The following RELN variants were observed in gnomAD, a reference collection of about 807,000 sequenced individuals.
RELN encodes reelin.
Under a neutral mutation model 427.6 loss-of-function variants are expected in RELN, and 108 were observed. The observed-to-expected ratio is 0.25, with a 90% CI of 0.22 to 0.30. The LOEUF (loss-of-function observed/expected upper bound fraction) is 0.30. Among genes scored for constraint, RELN ranks in the 10% least tolerant of loss-of-function variants. The pLI, the probability that RELN is intolerant of heterozygous loss-of-function variation, is 1.00. For missense variants in RELN, 3,715 were observed against 4,302.8 expected, an observed-to-expected ratio of 0.86 and a Z score of 3.82; for synonymous variants, 1,524 against 1,513.4, an observed-to-expected ratio of 1.01 and a Z score of -0.16.
chr7:103,602,882 TG>T (rs986015517), intron 24 of RELN, among the ~76,000 whole-genome samples: 1 of 152,130 alleles, frequency 6.6e-6, no homozygotes, highest in African/African-American at 2.4e-5. Flanking sequence ...ACAGGCAATC[TG>T]GCTCCAGAGT....
At chr7:103,484,611 C>T (rs900022880) in intron 61 of RELN, 3 of 152,382 alleles carry the variant, frequency 2.0e-5, no homozygotes, top group South Asian at 2.1e-4. Context: ...CTATATTATA[C>T]ATGTGAAAAC....
intron 1 of RELN, among the ~76,000 whole-genome samples, chr7:103,965,880 C>G (rs1192763958): frequency 6.6e-6 from 1 of 152,018 alleles, no homozygotes; most frequent in Non-Finnish European, 1.5e-5. Context: ...TTTATTGAAA[C>G]CAATATGCTC....
At chr7:103,884,673 T>A (rs1794683656) in intron 2 of RELN, among the ~76,000 whole-genome samples, 1 of 151,888 alleles carries the variant, frequency 6.6e-6, no homozygotes, top group South Asian at 2.1e-4. Context: ...CCAACAAAAA[T>A]ATGAAAAAAA....
intron 2 of RELN, among the ~76,000 whole-genome samples, chr7:103,910,488 A>T (rs1795340178): frequency 6.6e-6 from 1 of 151,976 alleles, no homozygotes; most frequent in South Asian, 2.1e-4. Context: ...TCTTCACAGA[A>T]TTGGAAAAAA....
chr7:103,720,278 A>T (rs1363332484), intron 8 of RELN, among the ~76,000 whole-genome samples: 1 of 151,938 alleles, frequency 6.6e-6, no homozygotes, highest in Non-Finnish European at 1.5e-5. Context: ...TTAGTAATTC[A>T]AGCAATTTTT....
intron 11 of RELN, among the ~76,000 whole-genome samples, chr7:103,662,621 G>A (rs112276058): frequency 0.029 from 3,156 of 107,378 alleles, 149 homozygotes; most frequent in African/African-American, 0.1. Context: ...GCGAGACTCC[G>A]TCACAAAAAA....
chr7:103,914,264 C>T (rs1461707167), intron 2 of RELN, among the ~76,000 whole-genome samples: 1 of 152,076 alleles, frequency 6.6e-6, no homozygotes, highest in Admixed American at 6.6e-5. Context: ...TTACAACACA[C>T]TTAGGAATGA....
At chr7:103,758,865 A>T (rs1223695092) in intron 4 of RELN, among the ~76,000 whole-genome samples, 1 of 151,752 alleles carries the variant, frequency 6.6e-6, no homozygotes, top group African/African-American at 2.4e-5. Flanking sequence ...TGTTTTGGCA[A>T]AATACAAAGA....
intron 1 of RELN, among the ~76,000 whole-genome samples, chr7:103,935,661 C>T (rs544120201): frequency 1.5e-4 from 23 of 152,118 alleles, no homozygotes; most frequent in Non-Finnish European, 2.5e-4. Context: ...AAGACTAGAC[C>T]CGTATTTGAC....
At chr7:103,717,491 A>G (rs201198505) in intron 8 of RELN, among the ~76,000 whole-genome samples, 1 of 150,596 alleles carries the variant, frequency 6.6e-6, no homozygotes, top group Admixed American at 6.6e-5. Flanking sequence ...AAAAAAAAAA[A>G]TTTGTTTTAA....
chr7:103,910,938 C>T (rs1055206370), intron 2 of RELN, among the ~76,000 whole-genome samples: 1 of 139,454 alleles, frequency 7.2e-6, no homozygotes, highest in Non-Finnish European at 1.5e-5. Flanking sequence ...AGGACATAGG[C>T]ATGGGCAAGG....
chr7:103,623,283 A>G (rs1832259335), intron 20 of RELN, among the ~76,000 whole-genome samples: 1 of 152,170 alleles, frequency 6.6e-6, no homozygotes, highest in Admixed American at 6.5e-5. Context: ...CAGCAGTACA[A>G]TTTTAGTTGA....
rs1226536518 is a variant in RELN at position 103,640,659 on chromosome 7, A to C, written c.2003-50T>G. On this transcript the variant is annotated intron_variant, in intron 16 of 64. Coordinates refer to ENST00000428762, the MANE Select transcript of RELN (RefSeq NM_005045.4). This position sits in a 1 kb window ranked among gnomAD's most constrained non-coding sequence, Gnocchi z 4.1. ...AATTACAAAAACATAGAACACTACC[A>C]GTACAATTTTGTGAAGTAATACTCA... is the stretch of plus-strand genomic sequence containing the variant. 2.5e-6 allele frequency: 4 copies of C among 1,587,340 alleles called. No individual in the cohort carries two copies. The highest frequency in any genetic ancestry group is 3.4e-5 in the Admixed American group (2 of 59,478).
intron 4 of RELN, among the ~76,000 whole-genome samples, chr7:103,771,944 T>C (rs1456121097): frequency 6.6e-6 from 1 of 152,048 alleles, no homozygotes; most frequent in Non-Finnish European, 1.5e-5. Context: ...CCAACCCCCA[T>C]TAGATTTTCT....
At chr7:103,755,855 CT>C (rs1307761365) in intron 4 of RELN, among the ~76,000 whole-genome samples, 1 of 149,304 alleles carries the variant, frequency 6.7e-6, no homozygotes, top group African/African-American at 2.5e-5. Flanking sequence ...TTTACCATGC[CT>C]AACGTTAGCT....
At chr7:103,890,660 A>AG (rs1304952167) in intron 2 of RELN, among the ~76,000 whole-genome samples, 1 of 152,160 alleles carries the variant, frequency 6.6e-6, no homozygotes, top group Non-Finnish European at 1.5e-5. Flanking sequence ...TACTCAATTA[A>AG]GGGGGACACC....
At chr7:103,559,640 T>C (rs888467618) in intron 36 of RELN, among the ~76,000 whole-genome samples, 48 of 152,240 alleles carry the variant, frequency 3.2e-4, no homozygotes, top group African/African-American at 1.1e-3. Context: ...ATAAATGTAA[T>C]CATAGCTCAC....
intron 1 of RELN, among the ~76,000 whole-genome samples, chr7:103,962,200 T>C (rs1701379772): frequency 1.3e-5 from 2 of 152,116 alleles, no homozygotes; most frequent in African/African-American, 4.8e-5. Flanking sequence ...ACTCATCCTG[T>C]TCCCTGCTCA....
chr7:103,616,893 A>G (rs1197020634), intron 20 of RELN, among the ~76,000 whole-genome samples: 1 of 152,160 alleles, frequency 6.6e-6, no homozygotes, highest in African/African-American at 2.4e-5. Context: ...GCACTTGTCC[A>G]ATTATTTTCT....
Sources: gnomAD v4.1 joint callset for allele counts (sites outside exome capture counted in the v4.1 genomes callset) on GRCh38, gnomAD v4.1.1 for gene constraint, Gnocchi (gnomAD v3.1) non-coding constraint, MANE v1.5 for transcripts, NCBI Gene and HGNC (gene_info 2026-07-23, HGNC 2026-07-21) for gene names.